Variants in TRPS1 observed in about 807,000 individuals in gnomAD.
TRPS1 encodes the protein transcriptional repressor GATA binding 1.
A neutral mutation model predicts 101.2 loss-of-function variants in TRPS1; 6 were observed. That is an observed-to-expected ratio of 0.06 (90% CI 0.03 to 0.12). TRPS1 has a LOEUF of 0.12. Among genes scored for constraint, TRPS1 ranks in the 10% least tolerant of loss-of-function variants. The pLI is 1.00. For missense variants in TRPS1, 1,363 were observed against 1,567.0 expected (o/e 0.87, Z 2.20); for synonymous variants, 578 against 589.8 (o/e 0.98, Z 0.29).
chr8:115,576,714 T>A (rs1314085451), intron 5 of TRPS1, among the ~76,000 whole-genome samples: 1 of 152,138 alleles, frequency 6.6e-6, no homozygotes. Context: ...CAGAGTTAAA[T>A]GTGGAGCATA....
Position 115,411,181 on chromosome 8 carries a change from C to T in TRPS1, c.*2842G>A, listed in dbSNP as rs148753543. The T allele has an allele frequency of 0.021, 3,271 of 152,154 alleles. 36 individuals carry two copies. The highest frequency in any genetic ancestry group is 0.031 in the Non-Finnish European group (2,133 of 67,906). 9.4% of individuals were successfully genotyped at this position (152,154 alleles called of 1,614,324 possible). ...TGGAATAAGATCTATCGTGTCAACGCTATCCAAAAATATTCTACTAAAAAG... is the reference window on the plus strand; with the variant it reads ...TGGAATAAGATCTATCGTGTCAACGTTATCCAAAAATATTCTACTAAAAAG... On this transcript the variant is annotated 3_prime_UTR_variant, in exon 7 of 7. Coordinates refer to ENST00000395715, the MANE Select transcript of TRPS1 (RefSeq NM_014112.5).
intron 5 of TRPS1, among the ~76,000 whole-genome samples, chr8:115,539,062 A>C (rs1816390039): frequency 6.6e-6 from 1 of 152,212 alleles, no homozygotes; most frequent in Non-Finnish European, 1.5e-5. Context: ...AGTCAACCTA[A>C]CAGTAAGGCT....
intron 5 of TRPS1, among the ~76,000 whole-genome samples, chr8:115,432,701 A>G (rs1813351485): frequency 6.6e-6 from 1 of 151,894 alleles, no homozygotes; most frequent in South Asian, 2.1e-4. Context: ...TAGTTAGTCA[A>G]TCTAGTGCAG....
intron 4 of TRPS1, among the ~76,000 whole-genome samples, chr8:115,599,589 G>A (rs957978842): frequency 1.4e-4 from 21 of 152,022 alleles, no homozygotes; most frequent in Non-Finnish European, 2.8e-4. Flanking sequence ...GAGAACATGC[G>A]GTGTTTGGTT....
chr8:115,485,559 A>G (rs1814858690), intron 5 of TRPS1, among the ~76,000 whole-genome samples: 2 of 152,210 alleles, frequency 1.3e-5, no homozygotes, highest in Admixed American at 1.3e-4. Flanking sequence ...ATGCTTGCTG[A>G]GTCATACCAT....
Position 115,633,803 on chromosome 8 carries a change from T to C in TRPS1, c.-121-10045A>G, listed in dbSNP as rs1229709581. 5.3e-5 allele frequency among the ~76,000 whole-genome samples: 8 copies of C among 152,310 alleles called. No homozygotes were observed. In the East Asian group the frequency reaches 7.7e-4, roughly 15 times the overall value. ...TAGATTCTACCTTCATCTAAGGTGG[T>C]TGCTGTAAATCTATGTAATATCAGT... On this transcript the variant is annotated intron_variant, in intron 1 of 6. Transcript: ENST00000395715.
intron 5 of TRPS1, among the ~76,000 whole-genome samples, chr8:115,568,717 A>G (rs962003169): frequency 6.6e-6 from 1 of 152,166 alleles, no homozygotes; most frequent in African/African-American, 2.4e-5. Flanking sequence ...AAACTTATAT[A>G]GAAATTTAAT....
At chr8:115,576,080 T>G (rs1817310964) in intron 5 of TRPS1, among the ~76,000 whole-genome samples, 2 of 152,144 alleles carry the variant, frequency 1.3e-5, no homozygotes, top group Non-Finnish European at 2.9e-5. Flanking sequence ...TGTGCTTACT[T>G]TCCTTTAACT....
At chr8:115,541,554 A>G (rs961598544) in intron 5 of TRPS1, among the ~76,000 whole-genome samples, 6 of 152,314 alleles carry the variant, frequency 3.9e-5, no homozygotes, top group South Asian at 2.1e-4. Flanking sequence ...AATAATTAAA[A>G]ATTAGGTTCA....
intron 5 of TRPS1, among the ~76,000 whole-genome samples, chr8:115,463,039 C>T (rs1814226762): frequency 6.6e-6 from 1 of 152,200 alleles, no homozygotes; most frequent in Admixed American, 6.5e-5. Flanking sequence ...GCTGCTCCTT[C>T]TGTATGTTGC....
At chr8:115,419,393 A>C (rs1812998604) in intron 5 of TRPS1, among the ~76,000 whole-genome samples, 1 of 152,102 alleles carries the variant, frequency 6.6e-6, no homozygotes, top group Non-Finnish European at 1.5e-5. Flanking sequence ...AAGAAAAAAA[A>C]AGACAGCCTG....
At chr8:115,647,356 T>A (rs1318248104) in intron 1 of TRPS1, among the ~76,000 whole-genome samples, 1 of 152,144 alleles carries the variant, frequency 6.6e-6, no homozygotes, top group Non-Finnish European at 1.5e-5. Context: ...AGCTTGATGA[T>A]GTAAAGAAGG....
chr8:115,668,095 G>A (rs1563681120), intron 1 of TRPS1: 1 of 614,372 alleles, frequency 1.6e-6, no homozygotes, highest in Non-Finnish European at 2.9e-6. Context: ...TGGCAAATGG[G>A]GATTTGTTTT....
At chr8:115,523,017 A>G (rs1187663533) in intron 5 of TRPS1, among the ~76,000 whole-genome samples, 1 of 152,102 alleles carries the variant, frequency 6.6e-6, no homozygotes, top group African/African-American at 2.4e-5. Flanking sequence ...TATTGTTTCT[A>G]GGCACTTTTA....
intron 1 of TRPS1, among the ~76,000 whole-genome samples, chr8:115,666,589 T>C (rs978153398): frequency 5.9e-5 from 9 of 152,214 alleles, no homozygotes; most frequent in African/African-American, 2.2e-4. Flanking sequence ...CGCATGACTT[T>C]CCTCTGCTGT....
chr8:115,515,318 G>A (rs938555038), intron 5 of TRPS1: 2 of 694,140 alleles, frequency 2.9e-6, no homozygotes, highest in African/African-American at 3.5e-5. Context: ...CAGTAAAAAA[G>A]TTAGAATTAG....
intron 5 of TRPS1, among the ~76,000 whole-genome samples, chr8:115,558,788 C>T (rs1432483302): frequency 6.6e-6 from 1 of 151,956 alleles, no homozygotes; most frequent in Non-Finnish European, 1.5e-5. Context: ...ATCAAACCTG[C>T]TAGATATAAG....
Position 115,587,144 on chromosome 8 carries a change from G to C in TRPS1, c.2557C>G (p.Arg853Gly). The part of the protein sequence containing the change: ...SPNVEAAHLA[R>G]PIYGLAVETK... ...TCCACAGCCAAGCCATAAATAGGTC[G>C]CGCCAGATGGGCGGCCTCCACATTG... Residue 853 changes from arginine to glycine, a missense_variant, in exon 5 of 7, where the codon CGA (arginine) becomes GGA (glycine). Coordinates refer to ENST00000395715, the MANE Select transcript of TRPS1 (RefSeq NM_014112.5). The C allele has an allele frequency of 6.2e-7, 1 of 1,614,128 alleles. No individual in the cohort carries two copies.
intron 5 of TRPS1, among the ~76,000 whole-genome samples, chr8:115,431,236 C>T (rs1197240405): frequency 6.6e-5 from 10 of 151,936 alleles, no homozygotes; most frequent in Non-Finnish European, 1.5e-5. Context: ...ATTCAATAGA[C>T]ATTAGATTTT....
Sources: allele counts gnomAD v4.1 joint callset (sites outside exome capture counted in the v4.1 genomes callset), GRCh38; gene constraint gnomAD v4.1.1; transcripts MANE v1.5; gene names NCBI Gene and HGNC (gene_info 2026-07-23, HGNC 2026-07-21).